Variants in SUCLG2 observed in about 807,000 individuals in gnomAD.
SUCLG2 encodes the protein succinate--CoA ligase [GDP-forming] subunit beta, mitochondrial.
SUCLG2 carries 42 observed loss-of-function variants against 47.9 expected under a neutral mutation model. The ratio of observed to expected loss-of-function variants is 0.88; its 90% CI spans 0.69 to 1.14. The LOEUF is 1.14. Among genes scored for constraint, SUCLG2 ranks in the 50% most tolerant of loss-of-function variants. SUCLG2 has a pLI of 0.00. For missense variants in SUCLG2, 571 were observed against 525.9 expected (o/e 1.09, Z -0.84); for synonymous variants, 195 against 197.3 (o/e 0.99, Z 0.10).
chr3:67,495,758 TA>T, intron 9 of SUCLG2, 39 bp downstream of exon 9: 1 of 1,610,182 alleles, frequency 6.2e-7, no homozygotes, highest in Non-Finnish European at 8.5e-7. Flanking sequence ...GGTGAGAAAT[TA>T]AAACTGGCAT....
intron 9 of SUCLG2, among the ~76,000 whole-genome samples, chr3:67,487,018 A>G (rs1298751224): frequency 3.3e-5 from 5 of 152,188 alleles, no homozygotes; most frequent in African/African-American, 1.2e-4. Flanking sequence ...GATCAACTAT[A>G]CCAAGAATAC....
intron 1 of SUCLG2, among the ~76,000 whole-genome samples, chr3:67,648,533 T>C (rs1361522239): frequency 1.3e-5 from 2 of 152,212 alleles, no homozygotes; most frequent in African/African-American, 2.4e-5. Context: ...GGTGACTCCC[T>C]GGCACTGTGA....
At chr3:67,420,261 G>T (rs1018475606) in intron 9 of SUCLG2, among the ~76,000 whole-genome samples, 1 of 152,134 alleles carries the variant, frequency 6.6e-6, no homozygotes, top group African/African-American at 2.4e-5. Context: ...TACAAAATAG[G>T]CAACGTAATA....
chr3:67,577,490 G>A (rs1200792899), intron 2 of SUCLG2, among the ~76,000 whole-genome samples: 1 of 152,098 alleles, frequency 6.6e-6, no homozygotes, highest in Non-Finnish European at 1.5e-5. Context: ...AGACATACAT[G>A]GAAATGACAC....
chr3:67,468,196 G>T (rs1247254685), intron 9 of SUCLG2, among the ~76,000 whole-genome samples: 1 of 152,180 alleles, frequency 6.6e-6, no homozygotes, highest in Non-Finnish European at 1.5e-5. Context: ...TTTCCCTGGA[G>T]TTAGGAATTT....
intron 5 of SUCLG2, among the ~76,000 whole-genome samples, chr3:67,519,002 T>C (rs1706025537): frequency 6.6e-6 from 1 of 152,098 alleles, no homozygotes; most frequent in Non-Finnish European, 1.5e-5. Context: ...CACTGCAGTA[T>C]GAGTACAGCA....
chr3:67,493,994 C>T (rs9810030), intron 9 of SUCLG2, among the ~76,000 whole-genome samples: 116,710 of 152,060 alleles, frequency 0.77, 45,031 homozygotes, highest in Admixed American at 0.85. Flanking sequence ...CACTGGAGAA[C>T]TGAAGATAAG....
intron 2 of SUCLG2, among the ~76,000 whole-genome samples, chr3:67,544,149 CACAA>C (rs1441964347): frequency 1.3e-5 from 2 of 152,108 alleles, no homozygotes; most frequent in East Asian, 3.8e-4. Flanking sequence ...AAGAAATAGA[CACAA>C]ACAAATTACT....
intron 1 of SUCLG2, among the ~76,000 whole-genome samples, chr3:67,621,188 T>C (rs761807595): frequency 6.6e-6 from 1 of 152,182 alleles, no homozygotes; most frequent in Non-Finnish European, 1.5e-5. Context: ...TTTATTTGGC[T>C]AGCAGGCCAG....
At chr3:67,424,619 T>C (rs1177700024) in intron 9 of SUCLG2, among the ~76,000 whole-genome samples, 2 of 152,184 alleles carry the variant, frequency 1.3e-5, no homozygotes, top group East Asian at 1.9e-4. Context: ...GGCTGTAAAA[T>C]AGATAATCAT....
Position 67,375,040 on chromosome 3 carries a change from C to T in SUCLG2, c.*704G>A. On this transcript the variant is annotated 3_prime_UTR_variant, in exon 11 of 11. Coordinates refer to ENST00000307227, the MANE Select transcript of SUCLG2 (RefSeq NM_003848.4). ...TTTGACACAAAAATGGAAGCTTCCA[C>T]TCCCAAAATCACAAATAAGGCTTCT... The T allele has an allele frequency of 1.0e-6, 1 of 985,750 alleles. No individual in the cohort carries two copies. Among genetic ancestry groups the T allele is most frequent in the Non-Finnish European group, 1.2e-6 (1 of 829,902 alleles). 61.1% of individuals were successfully genotyped at this position (985,750 alleles called of 1,614,324 possible).
At chr3:67,553,723 C>T (rs1027095636) in intron 2 of SUCLG2, among the ~76,000 whole-genome samples, 8 of 152,130 alleles carry the variant, frequency 5.3e-5, no homozygotes, top group Non-Finnish European at 1.2e-4. Flanking sequence ...ATTCCATATA[C>T]TTTAAAAGCA....
At chr3:67,558,755 T>C (rs1037807655) in intron 2 of SUCLG2, among the ~76,000 whole-genome samples, 1 of 152,066 alleles carries the variant, frequency 6.6e-6, no homozygotes, top group Non-Finnish European at 1.5e-5. Flanking sequence ...TGTTAAGCAA[T>C]AATGTAACTG....
intron 2 of SUCLG2, among the ~76,000 whole-genome samples, chr3:67,577,499 ACAG>A (rs1038804592): frequency 6.6e-6 from 1 of 152,232 alleles, no homozygotes; most frequent in Non-Finnish European, 1.5e-5. Flanking sequence ...TGGAAATGAC[ACAG>A]GAGGAGAGCT....
chr3:67,555,973 A>G (rs1205394292), intron 2 of SUCLG2, among the ~76,000 whole-genome samples: 1 of 152,188 alleles, frequency 6.6e-6, no homozygotes, highest in Admixed American at 6.5e-5. Context: ...ACATATATAA[A>G]CACTTGACTA....
At chr3:67,574,822 CT>C (rs1707702287) in intron 2 of SUCLG2, among the ~76,000 whole-genome samples, 1 of 152,144 alleles carries the variant, frequency 6.6e-6, no homozygotes, top group Non-Finnish European at 1.5e-5. Flanking sequence ...TAATAAAGGA[CT>C]TTTCTCCAGA....
At chr3:67,534,651 A>T (rs1353410902) in intron 2 of SUCLG2, among the ~76,000 whole-genome samples, 1 of 151,740 alleles carries the variant, frequency 6.6e-6, no homozygotes, top group Non-Finnish European at 1.5e-5. Context: ...TAAAAGATAC[A>T]ATCTTGCTCT....
intron 1 of SUCLG2, among the ~76,000 whole-genome samples, chr3:67,621,024 G>T (rs1390490967): frequency 6.6e-6 from 1 of 152,188 alleles, no homozygotes; most frequent in African/African-American, 2.4e-5. Flanking sequence ...CCAGATTAAG[G>T]TTAGCAAACT....
intron 9 of SUCLG2, among the ~76,000 whole-genome samples, chr3:67,469,303 C>A (rs887633798): frequency 6.6e-6 from 1 of 152,148 alleles, no homozygotes; most frequent in Non-Finnish European, 1.5e-5. Context: ...ATGAGAGATT[C>A]AGGAGAAATC....
Sources: allele counts gnomAD v4.1 joint callset (sites outside exome capture counted in the v4.1 genomes callset), GRCh38; gene constraint gnomAD v4.1.1; transcripts MANE v1.5; gene names NCBI Gene and HGNC (gene_info 2026-07-23, HGNC 2026-07-21).